Variants in SCUBE3 observed in about 807,000 individuals in gnomAD.
SCUBE3 encodes signal peptide, CUB domain and EGF like domain containing 3.
SCUBE3 carries 33 observed loss-of-function variants against 116.8 expected under a neutral mutation model. The ratio of observed to expected loss-of-function variants is 0.28; its 90% CI spans 0.21 to 0.38. The LOEUF (loss-of-function observed/expected upper bound fraction) is 0.38. Ranked by LOEUF, SCUBE3 falls within the 10% of genes least tolerant of loss-of-function variation. SCUBE3 has a pLI of 1.00. For synonymous variants in SCUBE3, 418 were observed against 496.9 expected, an observed-to-expected ratio of 0.84 and a Z score of 2.11; for missense variants, 1,007 against 1,324.8, an observed-to-expected ratio of 0.76 and a Z score of 3.72.
In SCUBE3 at chr6:35,248,736, A is replaced by T; in HGVS notation, c.*31A>T. 1 of 1,608,076 alleles carries T rather than the reference A, an allele frequency of 6.2e-7. No individual in the cohort carries two copies. The highest frequency in any genetic ancestry group is 2.2e-5 in the East Asian group (1 of 44,806). On this transcript the variant is annotated 3_prime_UTR_variant, in exon 22 of 22. Coordinates refer to ENST00000274938, the MANE Select transcript of SCUBE3 (RefSeq NM_152753.4). ...CTAGGCTCAGAGACCCAATTTTTTAAGCCCCCAGACTCCTTAGCCCTCAGA... is the reference window on the plus strand; with the variant it reads ...CTAGGCTCAGAGACCCAATTTTTTATGCCCCCAGACTCCTTAGCCCTCAGA...
intron 13 of SCUBE3, 75 bp downstream of exon 13, chr6:35,242,395 C>A: frequency 8.8e-7 from 1 of 1,135,208 alleles, no homozygotes; most frequent in Non-Finnish European, 1.3e-6. Context: ...CCTCTGCTTC[C>A]AAAAACCCAC....
Position 35,214,469 on chromosome 6 carries a change from C to A in SCUBE3, c.51C>A (p.His17Gln). ...TCTGCCTGCTTGTCCTGCTGGTCCACGCCCGCGCCGCCCAGTACAGCAAAG... is the reference window on the plus strand; with the variant it reads ...TCTGCCTGCTTGTCCTGCTGGTCCAAGCCCGCGCCGCCCAGTACAGCAAAG... Reference protein sequence around the residue: ...PGLCLLVLLVHARAAQYSKAA... With the variant: ...PGLCLLVLLVQARAAQYSKAA... The change falls in exon 1 of 22, where the codon CAC becomes CAA. Residue 17 changes from histidine (H) to glutamine (Q), a missense_variant. Transcript: ENST00000274938. This position sits in a 1 kb window ranked among gnomAD's most constrained non-coding sequence, Gnocchi z 6.3. The A allele has an allele frequency of 6.6e-7, 1 of 1,507,364 alleles. No homozygotes were observed. The highest frequency in any genetic ancestry group is 8.8e-7 in the Non-Finnish European group (1 of 1,132,628). 93.4% of individuals were successfully genotyped at this position (1,507,364 alleles called of 1,614,324 possible).
Position 35,244,960 on chromosome 6 carries a change from A to G in SCUBE3, c.2401+149A>G, listed in dbSNP as rs1460594827. 1 of 804,458 alleles carries G rather than the reference A, an allele frequency of 1.2e-6. No individual in the cohort carries two copies. 49.8% of individuals were successfully genotyped at this position (804,458 alleles called of 1,614,324 possible). On this transcript the variant is annotated intron_variant, in intron 18 of 21. Coordinates refer to ENST00000274938, the MANE Select transcript of SCUBE3 (RefSeq NM_152753.4). The surrounding 1 kb of genome is among the most constrained non-coding windows in gnomAD (Gnocchi z 4.3). ...CTTCCACCTCTCCCCAACTCACTCA[A>G]TCTCAAGGCCAGTTGCTAGGCTGGA...
rs1393987567 is a variant in SCUBE3 at position 35,244,310 on chromosome 6, A to G, written c.2239+180A>G. On this transcript the variant is annotated intron_variant, in intron 17 of 21. Transcript: ENST00000274938. The surrounding 1 kb of genome is among the most constrained non-coding windows in gnomAD (Gnocchi z 4.3). Reference sequence around the variant, plus strand: ...CCACCCTGCCCCTCCACTAGTCCCAAGCTTGGGAACTGAGAAATAATTAAC... The same window carrying G: ...CCACCCTGCCCCTCCACTAGTCCCAGGCTTGGGAACTGAGAAATAATTAAC... Among the ~76,000 whole-genome samples the G allele has an allele frequency of 1.3e-5, 2 of 152,162 alleles. No homozygotes were observed. The highest frequency in any genetic ancestry group is 2.4e-5 in the African/African-American group (1 of 41,434).
rs1027457745 is a variant in SCUBE3, at chr6:35,253,073, C to A, written c.*4368C>A. On this transcript the variant is annotated 3_prime_UTR_variant, in exon 22 of 22. Coordinates refer to ENST00000274938, the MANE Select transcript of SCUBE3 (RefSeq NM_152753.4). ...ATTATTATTAAAATACTAAATGAAACTCCTCAGCCCGGCATCTTTTCCTCT... is the reference window on the plus strand; with the variant it reads ...ATTATTATTAAAATACTAAATGAAAATCCTCAGCCCGGCATCTTTTCCTCT... 2.0e-5 allele frequency: 3 copies of A among 152,060 alleles called. No individual in the cohort carries two copies. The East Asian group carries it at 5.8e-4, about 29-fold the overall frequency. The allele number at this position is 152,060 out of a possible 1,614,324, so 9.4% of individuals were successfully genotyped here.
intron 13 of SCUBE3, 46 bp downstream of exon 13, chr6:35,242,366 TC>T (rs1297460422): frequency 2.3e-5 from 30 of 1,319,040 alleles, no homozygotes; most frequent in Non-Finnish European, 3.1e-5. Flanking sequence ...GGCCACTAAA[TC>T]CTCCTTACCC....
At chr6:35,223,745 T>C (rs1375100992) in intron 1 of SCUBE3, 1 of 152,060 alleles carries the variant, frequency 6.6e-6, no homozygotes, top group African/African-American at 2.4e-5. Flanking sequence ...GCTGTGAGCG[T>C]TGAAGGGTCC....
Position 35,227,691 on chromosome 6 carries a change from A to C in SCUBE3, c.197A>C (p.Lys66Thr), listed in dbSNP as rs753643842. Residue 66 changes from lysine (K) to threonine (T), a missense_variant, in exon 2 of 22, where the codon AAA becomes ACA. Lys to Thr is a moderately conservative substitution (Grantham distance 78). Around this residue, in one of 5 missense-constraint regions of SCUBE3, gnomAD observed 94 missense variants for 92.0 expected, o/e 1.02. Transcript: ENST00000274938. The part of the protein sequence containing the change: ...ICKSGYTGDG[K>T]HCKDVDECER... ...AAGTCTGGCTACACAGGGGACGGCA[A>C]ACACTGCAAAGGTGAGGCTGGAAGG... is the stretch of plus-strand genomic sequence containing the variant. 1 of 1,614,142 alleles carries C rather than the reference A, an allele frequency of 6.2e-7. No homozygotes were observed. The highest frequency in any genetic ancestry group is 8.5e-7 in the Non-Finnish European group (1 of 1,180,008).
At position 35,248,779 on chromosome 6, in the gene SCUBE3, C is replaced by T. The variant is rs1581962256; in HGVS notation, c.*74C>T. 4.9e-6 allele frequency: 6 copies of T among 1,223,108 alleles called. No homozygotes were observed. Among genetic ancestry groups the T allele is most frequent in the Non-Finnish European group, 5.8e-6 (5 of 856,748 alleles). 75.8% of individuals were successfully genotyped at this position (1,223,108 alleles called of 1,614,324 possible). On this transcript the variant is annotated 3_prime_UTR_variant, in exon 22 of 22. Coordinates refer to ENST00000274938, the MANE Select transcript of SCUBE3 (RefSeq NM_152753.4). ...CCCTCAGAGCCGGCAGCCCCCTACC[C>T]TCAGACAAGGAACTCTCTCCTCTCT...
intron 1 of SCUBE3, among the ~76,000 whole-genome samples, chr6:35,215,030 A>C (rs942784296): frequency 2.0e-5 from 3 of 152,116 alleles, no homozygotes; most frequent in Non-Finnish European, 4.4e-5. Context: ...AAATCAACTC[A>C]TCTCTCACCG....
intron 3 of SCUBE3, among the ~76,000 whole-genome samples, chr6:35,229,742 CAA>C (rs1166070197): frequency 6.6e-6 from 1 of 152,038 alleles, no homozygotes; most frequent in Non-Finnish European, 1.5e-5. Flanking sequence ...TTACTGGGAC[CAA>C]GTCAGACTCT....
At chr6:35,248,214 C>T (rs1267726383) in intron 21 of SCUBE3, among the ~76,000 whole-genome samples, 2 of 152,180 alleles carry the variant, frequency 1.3e-5, no homozygotes, top group Non-Finnish European at 2.9e-5. Flanking sequence ...TACAGTACTC[C>T]AAGTCAGAGA....
chr6:35,243,793 G>A lies in SCUBE3; in HGVS notation c.2071+38G>A. ...CAAACAATACAGAGTGGGGTAGGGT[G>A]GGCACTGGGATGCCCATGGGCATGG... On this transcript the variant is annotated intron_variant, in intron 16 of 21. Coordinates refer to ENST00000274938, the MANE Select transcript of SCUBE3 (RefSeq NM_152753.4). This position sits in a 1 kb window ranked among gnomAD's most constrained non-coding sequence, Gnocchi z 6.6. 2 of 1,601,720 alleles carry A rather than the reference G, an allele frequency of 1.2e-6. No homozygotes were observed. Among genetic ancestry groups the A allele is most frequent in the Non-Finnish European group, 1.7e-6 (2 of 1,170,522 alleles).
intron 1 of SCUBE3, chr6:35,223,031 A>T (rs981159073): frequency 4.6e-5 from 7 of 152,174 alleles, no homozygotes; most frequent in African/African-American, 1.4e-4. Flanking sequence ...TAAAAATTTT[A>T]AAAAATTGGC....
Position 35,241,763 on chromosome 6 carries a change from G to T in SCUBE3, c.1313-43G>T. The stretch of plus-strand genomic sequence containing the variant: ...CCCTGGATTCCTCCAGCCAGCGGGG[G>T]TTGGGAAGGCAGGTCAGAACTGTGA... On this transcript the variant is annotated intron_variant, in intron 11 of 21. Coordinates refer to ENST00000274938, the MANE Select transcript of SCUBE3 (RefSeq NM_152753.4). This position sits in a 1 kb window ranked among gnomAD's most constrained non-coding sequence, Gnocchi z 4.1. 1.9e-6 allele frequency: 3 copies of T among 1,553,500 alleles called. No homozygotes were observed. The highest frequency in any genetic ancestry group is 1.1e-5 in the South Asian group (1 of 89,926).
At position 35,233,132 on chromosome 6, in the gene SCUBE3, CTG is replaced by C. The variant is rs946586176; in HGVS notation, c.596-50_596-49del. On this transcript the variant is annotated intron_variant, in intron 5 of 21. Transcript: ENST00000274938. The surrounding 1 kb of genome is among the most constrained non-coding windows in gnomAD (Gnocchi z 5.7). Reference sequence around the variant, plus strand: ...GGGCCAGTACCCACATTGTGGAAAACTGTGGATGCAGGGAGGAGCAAGCTGAC... The same window carrying C: ...GGGCCAGTACCCACATTGTGGAAAACTGGATGCAGGGAGGAGCAAGCTGAC... 9.3e-6 allele frequency: 14 copies of C among 1,501,892 alleles called. No homozygotes were observed. The African/African-American group carries it at 1.8e-4, about 19-fold the overall frequency. The allele number at this position is 1,501,892 out of a possible 1,614,324, so 93.0% of individuals were successfully genotyped here.
Position 35,244,593 on chromosome 6 carries a change from C to G in SCUBE3, c.2240-57C>G. 7.1e-7 allele frequency: 1 copy of G among 1,406,116 alleles called. No individual in the cohort carries two copies. The highest frequency in any genetic ancestry group is 1.0e-6 in the Non-Finnish European group (1 of 995,470). 87.1% of individuals were successfully genotyped at this position (1,406,116 alleles called of 1,614,324 possible). On this transcript the variant is annotated intron_variant, in intron 17 of 21. Transcript: ENST00000274938. The surrounding 1 kb of genome is among the most constrained non-coding windows in gnomAD (Gnocchi z 4.3). ...ATGAATGTATCCTGTCCATCCCATGCCCCGTAACTCCCACCTGCCTACCAT... is the reference window on the plus strand; with the variant it reads ...ATGAATGTATCCTGTCCATCCCATGGCCCGTAACTCCCACCTGCCTACCAT...
chr6:35,246,792 A>G (rs551810822), intron 21 of SCUBE3, among the ~76,000 whole-genome samples: 2 of 152,206 alleles, frequency 1.3e-5, no homozygotes, highest in Non-Finnish European at 2.9e-5. Context: ...CCTGGCCAAC[A>G]TGGTGAAACC....
chr6:35,242,353 T>G (rs1784107762), intron 13 of SCUBE3, 33 bp downstream of exon 13: 2 of 1,438,108 alleles, frequency 1.4e-6, no homozygotes, highest in Non-Finnish European at 2.0e-6. Context: ...CAGTTGGCTG[T>G]CTGGCCACTA....
Sources: allele counts gnomAD v4.1 joint callset (sites outside exome capture counted in the v4.1 genomes callset), GRCh38; gene constraint gnomAD v4.1.1; regional missense constraint gnomAD v4.1.1; non-coding constraint Gnocchi (gnomAD v3.1); transcripts MANE v1.5; gene names NCBI Gene and HGNC (gene_info 2026-07-23, HGNC 2026-07-21).